Variants in GIGYF1 observed in about 807,000 individuals in gnomAD.
The protein encoded by GIGYF1 is GRB10-interacting GYF protein 1.
GIGYF1 carries 84 observed loss-of-function variants against 147.1 expected under a neutral mutation model. The ratio of observed to expected loss-of-function variants is 0.57; its 90% confidence interval spans 0.48 to 0.68. The LOEUF (loss-of-function observed/expected upper bound fraction) is 0.68, where lower values mean the gene tolerates loss of function less well. GIGYF1 is among the 30% of genes least tolerant of loss of function. The pLI is 0.00. For missense variants in GIGYF1, 1,485 were observed against 1,393.7 expected (o/e 1.07, Z -1.04); for synonymous variants, 752 against 589.5 (o/e 1.28, Z -3.99).
At position 100,681,764 on chromosome 7, in the gene GIGYF1, G is replaced by A; in HGVS notation, c.3063C>T (p.Ser1021=). The change falls in exon 27 of 27, where the codon TCC becomes TCT. Residue 1021 remains serine (S), a synonymous_variant. Transcript: ENST00000678049. ...CGATCTCACCAGAAGATCCGTGCAG[G>A]GAGTACCCTGAAGCCGGGGAGAAGC... ...LHSDPSILGY[S]LHGSSGEIES... The A allele has an allele frequency of 6.3e-7, 1 of 1,589,062 alleles. No homozygotes were observed. Among genetic ancestry groups the A allele is most frequent in the Non-Finnish European group, 8.6e-7 (1 of 1,166,482 alleles).
rs1403735562 is a variant in GIGYF1 at position 100,681,190 on chromosome 7, C to G, written c.*529G>C. ...AGGCCTCCTGTGCAAACTGCTGGCCCCCAGCTTCCAGTTACCCCATGGCCC... is the reference window on the plus strand; with the variant it reads ...AGGCCTCCTGTGCAAACTGCTGGCCGCCAGCTTCCAGTTACCCCATGGCCC... On this transcript the variant is annotated 3_prime_UTR_variant, in exon 27 of 27. Coordinates refer to ENST00000678049, the MANE Select transcript of GIGYF1 (RefSeq NM_001375765.1). 2.6e-5 allele frequency: 4 copies of G among 152,734 alleles called. No individual in the cohort carries two copies. Among genetic ancestry groups the G allele is most frequent in the African/African-American group, 7.2e-5 (3 of 41,460 alleles). 9.5% of individuals were successfully genotyped at this position (152,734 alleles called of 1,614,324 possible).
At position 100,684,152 on chromosome 7, in the gene GIGYF1, TG is replaced by T; in HGVS notation, c.1735del (p.Gln579SerfsTer16). The T allele has an allele frequency of 1.2e-6, 2 of 1,608,750 alleles. No individual in the cohort carries two copies. ...TTCTCGGAGCGCGCACTGTGGGAGC[TG>T]GCGGCTGCAAATGGGACAGTGGAGA... ...QQFLQLVSSR[Q>X]LPQCALREKA... On this transcript the variant is annotated frameshift_variant, in exon 18 of 27. Coordinates refer to ENST00000678049, the MANE Select transcript of GIGYF1 (RefSeq NM_001375765.1). LOFTEE classifies it high-confidence loss of function.
chr7:100,682,064 T>C lies in GIGYF1; in HGVS notation c.2925+8A>G, dbSNP rs758622352. ...GCCCACCCCAGCTGCTGGTGCCGGC[T>C]GCCTCACCTGCTGCTGCTGCCGCTG... On this transcript the variant is annotated splice_region_variant and intron_variant, in intron 25 of 26. Coordinates refer to ENST00000678049, the MANE Select transcript of GIGYF1 (RefSeq NM_001375765.1). 6.2e-7 allele frequency: 1 copy of C among 1,612,382 alleles called. No individual in the cohort carries two copies. Among genetic ancestry groups the C allele is most frequent in the Non-Finnish European group, 8.5e-7 (1 of 1,179,650 alleles).
rs150182297 is a variant in GIGYF1 at position 100,684,027 on chromosome 7, G to A, written c.1861C>T (p.Pro621Ser). 2.1e-5 allele frequency: 34 copies of A among 1,605,172 alleles called. No homozygotes were observed. The South Asian group carries it at 2.6e-4, about 12-fold the overall frequency. ...AFLQQLQALK[P>S]PRGGDQNLLP... ...CTCGCACGCACCACGCACCTGGGGGGTTTGAGCGCCTGGAGCTGCTGCAGG... is the reference window on the plus strand; with the variant it reads ...CTCGCACGCACCACGCACCTGGGGGATTTGAGCGCCTGGAGCTGCTGCAGG... Residue 621 changes from proline (P) to serine (S), a missense_variant, in exon 18 of 27, where the codon CCC becomes TCC. Physicochemically the swap from Pro to Ser is moderately conservative, Grantham distance 74 (BLOSUM62 -1). Coordinates refer to ENST00000678049, the MANE Select transcript of GIGYF1 (RefSeq NM_001375765.1).
chr7:100,687,538 TGCCAGCCAGGGGGGG>T lies in GIGYF1; in HGVS notation c.325_339del (p.Pro109_Gly113del), dbSNP rs1361619985. The stretch of plus-strand genomic sequence containing the variant: ...CGCGTGCTGCCCCTGCCTCGGGAGG[TGCCAGCCAGGGGGGG>T]GCCAGCCCCTTTCCCCATCAGCCTC... On this transcript the variant is annotated inframe_deletion, in exon 7 of 27. Coordinates refer to ENST00000678049, the MANE Select transcript of GIGYF1 (RefSeq NM_001375765.1). The T allele has an allele frequency of 1.9e-6, 3 of 1,611,794 alleles. No individual in the cohort carries two copies. The highest frequency in any genetic ancestry group is 1.6e-4 in the Middle Eastern group (1 of 6,072).
At position 100,685,466 on chromosome 7, in the gene GIGYF1, G is replaced by A. The variant is rs1210677957; in HGVS notation, c.1070C>T (p.Thr357Ile). The change falls in exon 13 of 27, where the codon ACC becomes ATC. Residue 357 changes from threonine (T) to isoleucine (I), a missense_variant. Physicochemically the swap from Thr to Ile is moderately conservative, Grantham distance 89. Transcript: ENST00000678049. Reference protein sequence around the residue: ...EGPEAGGKELTPLPPQEEKSS... With the variant: ...EGPEAGGKELIPLPPQEEKSS... The stretch of plus-strand genomic sequence containing the variant: ...CTTCTCCTCCTGAGGAGGCAGTGGG[G>A]TCAGCTCTTTCCCACCTAGAAGAGG... 1 of 1,599,782 alleles carries A rather than the reference G, an allele frequency of 6.3e-7. No individual in the cohort carries two copies. The highest frequency in any genetic ancestry group is 8.5e-7 in the Non-Finnish European group (1 of 1,176,730).
rs1206955443 is a variant in GIGYF1 at position 100,681,537 on chromosome 7, CCA to C, written c.*180_*181del. The C allele has an allele frequency of 9.8e-5, 43 of 439,970 alleles. No homozygotes were observed. The South Asian group carries it at 2.9e-3, about 29-fold the overall frequency. 27.3% of individuals were successfully genotyped at this position (439,970 alleles called of 1,614,324 possible). On this transcript the variant is annotated 3_prime_UTR_variant, in exon 27 of 27. Coordinates refer to ENST00000678049, the MANE Select transcript of GIGYF1 (RefSeq NM_001375765.1). ...AAAATAAAAAGAAAAACCCCCTCCCCCAGTCTGTAAAGTGCCTCGTGGTGGGT... is the reference window on the plus strand; with the variant it reads ...AAAATAAAAAGAAAAACCCCCTCCCCGTCTGTAAAGTGCCTCGTGGTGGGT...
Position 100,681,458 on chromosome 7 carries a change from A to T in GIGYF1, c.*261T>A. The T allele has an allele frequency of 2.8e-6, 1 of 351,650 alleles. No homozygotes were observed. The highest frequency in any genetic ancestry group is 5.1e-6 in the Non-Finnish European group (1 of 196,262). 21.8% of individuals were successfully genotyped at this position (351,650 alleles called of 1,614,324 possible). A position where few individuals can be genotyped will look rare whatever the true frequency, so the allele number is the denominator to read the frequency against. On this transcript the variant is annotated 3_prime_UTR_variant, in exon 27 of 27. Transcript: ENST00000678049. The stretch of plus-strand genomic sequence containing the variant: ...AAGGGGTGTTTAGAGTCTAGTTTTT[A>T]ACAATATTTTTGCCTCTCCTAATGT...
At chr7:100,690,664 C>A (rs1247101501) in intron 1 of GIGYF1, among the ~76,000 whole-genome samples, 2 of 151,812 alleles carry the variant, frequency 1.3e-5, no homozygotes, top group Non-Finnish European at 2.9e-5. Context: ...TGCCTCTAAT[C>A]CCAGCTACTC....
chr7:100,682,394 T>C lies in GIGYF1; in HGVS notation c.2689A>G (p.Arg897Gly). ...KLLKLLQGIPRPQDGFTQWCE... is the reference protein window; with the variant it reads ...KLLKLLQGIPGPQDGFTQWCE... The stretch of plus-strand genomic sequence containing the variant: ...CACTGGGTGAAGCCGTCCTGGGGCC[T>C]GGGAATGCCCTGCAGCAGCTTCAGC... The change falls in exon 24 of 27, where the codon AGG (arginine) becomes GGG (glycine). Residue 897 changes from arginine (R) to glycine (G), a missense_variant. Arg to Gly is a moderately radical substitution (Grantham distance 125). Transcript: ENST00000678049. The C allele has an allele frequency of 6.2e-7, 1 of 1,613,736 alleles. No individual in the cohort carries two copies. Among genetic ancestry groups the C allele is most frequent in the Non-Finnish European group, 8.5e-7 (1 of 1,179,976 alleles).
At chr7:100,691,184 G>A (rs1277954840) in intron 1 of GIGYF1, among the ~76,000 whole-genome samples, 2 of 152,354 alleles carry the variant, frequency 1.3e-5, no homozygotes, top group East Asian at 3.9e-4. Flanking sequence ...GGGCACCTCT[G>A]CTCCTCAGGG....
intron 8 of GIGYF1, 59 bp downstream of exon 8, chr7:100,687,239 G>A: frequency 6.5e-7 from 1 of 1,533,832 alleles, no homozygotes; most frequent in South Asian, 1.1e-5. Flanking sequence ...TAGCGACAGG[G>A]CCCAGGCCTC....
In GIGYF1 at chr7:100,681,742, T is replaced by C. The variant is rs755265221; in HGVS notation, c.3085A>G (p.Ile1029Val). 12 of 1,579,644 alleles carry C rather than the reference T, an allele frequency of 7.6e-6. No individual in the cohort carries two copies. The South Asian group carries it at 8.2e-5, about 11-fold the overall frequency. ...GGTCAGTAGTCATCCACGCTCTCGATCTCACCAGAAGATCCGTGCAGGGAG... is the reference window on the plus strand; with the variant it reads ...GGTCAGTAGTCATCCACGCTCTCGACCTCACCAGAAGATCCGTGCAGGGAG... ...GYSLHGSSGE[I>V]ESVDDY The change falls in exon 27 of 27, where the codon ATC becomes GTC. Residue 1029 changes from isoleucine to valine, a missense_variant. Transcript: ENST00000678049.
chr7:100,682,816 C>G, intron 22 of GIGYF1, 39 bp from the exon 23 acceptor site: 1 of 1,507,420 alleles, frequency 6.6e-7, no homozygotes, highest in Non-Finnish European at 8.9e-7. Flanking sequence ...CAAACAAAGG[C>G]ACCCCAGAAA....
At chr7:100,682,949 T>TC (rs1804929235) in intron 22 of GIGYF1, 63 bp downstream of exon 22, 2 of 1,360,996 alleles carry the variant, frequency 1.5e-6, no homozygotes, top group African/African-American at 1.5e-5. Flanking sequence ...GGGTTCAGTA[T>TC]CCCCCTCCCT....
chr7:100,693,302 T>TGG (rs1805969857), intron 1 of GIGYF1, among the ~76,000 whole-genome samples: 1 of 76,024 alleles, frequency 1.3e-5, no homozygotes, highest in Non-Finnish European at 2.7e-5. Flanking sequence ...TTTTTGTTTT[T>TGG]TTTTTTTTTT....
rs764646476 is a variant in GIGYF1 at position 100,683,019 on chromosome 7, TGGTTGG to T, written c.2399_2404del (p.Pro800_Asn801del). 1.0e-4 allele frequency: 154 copies of T among 1,528,996 alleles called. No homozygotes were observed. The highest frequency in any genetic ancestry group is 1.3e-4 in the Non-Finnish European group (150 of 1,142,416). 94.7% of individuals were successfully genotyped at this position (1,528,996 alleles called of 1,614,324 possible). The stretch of plus-strand genomic sequence containing the variant: ...GGTTCCCGGCCTGCTCACCACTCGG[TGGTTGG>T]GGGCCTGGGCCCGAGCTGGCTCCCG... On this transcript the variant is annotated inframe_deletion, in exon 22 of 27. Coordinates refer to ENST00000678049, the MANE Select transcript of GIGYF1 (RefSeq NM_001375765.1).
Position 100,684,302 on chromosome 7 carries a change from C to T in GIGYF1, c.1665G>A (p.Gln555=). The part of the protein sequence containing the change: ...NMDQERLKKQ[Q]ELAAAALYQQ... The stretch of plus-strand genomic sequence containing the variant: ...GGTACAAGGCCGCCGCGGCCAGCTC[C>T]TGTTGCTTCTTCAGCCGCTCCTGGT... Residue 555 remains glutamine (Q), a synonymous_variant, in exon 17 of 27, where the codon CAG becomes CAA. Transcript: ENST00000678049. 6.2e-7 allele frequency: 1 copy of T among 1,602,680 alleles called. No homozygotes were observed. Among genetic ancestry groups the T allele is most frequent in the East Asian group, 2.3e-5 (1 of 44,348 alleles).
At position 100,687,415 on chromosome 7, in the gene GIGYF1, G is replaced by A; in HGVS notation, c.374-9C>T. On this transcript the variant is annotated splice_polypyrimidine_tract_variant and intron_variant, in intron 7 of 26. Transcript: ENST00000678049. ...GTCACCACGGCCGCGGCCTAGAGAAGAGGCCAGACGCACAATGAAACCTGC... is the reference window on the plus strand; with the variant it reads ...GTCACCACGGCCGCGGCCTAGAGAAAAGGCCAGACGCACAATGAAACCTGC... 3 of 1,613,010 alleles carry A rather than the reference G, an allele frequency of 1.9e-6. No individual in the cohort carries two copies. The highest frequency in any genetic ancestry group is 8.5e-7 in the Non-Finnish European group (1 of 1,179,700).
Sources: allele counts gnomAD v4.1 joint callset (sites outside exome capture counted in the v4.1 genomes callset), GRCh38; gene constraint gnomAD v4.1.1; transcripts MANE v1.5; gene names NCBI Gene and HGNC (gene_info 2026-07-23, HGNC 2026-07-21).